Variants in KAT2B observed in about 807,000 individuals in gnomAD.
The protein encoded by KAT2B is lysine acetyltransferase 2B.
KAT2B carries 36 observed loss-of-function variants against 105.9 expected under a neutral mutation model. The ratio of observed to expected loss-of-function variants is 0.34; its 90% CI spans 0.26 to 0.45. The LOEUF is 0.45. Among genes scored for constraint, KAT2B ranks in the 20% least tolerant of loss-of-function variants. The probability of loss-of-function intolerance (pLI) is 1.00; values close to 1 mark genes in which losing one functional copy is unlikely to be tolerated. For synonymous variants in KAT2B, 397 were observed against 377.9 expected (o/e 1.05, Z -0.59); for missense variants, 820 against 1,021.6 (o/e 0.80, Z 2.69).
chr3:20,041,757 C>A (rs1390856537), intron 1 of KAT2B, among the ~76,000 whole-genome samples: 1 of 152,212 alleles, frequency 6.6e-6, no homozygotes, highest in Non-Finnish European at 1.5e-5. Context: ...CACACTCACA[C>A]CTCCCTGTAT....
chr3:20,125,889 G>A lies in KAT2B; in HGVS notation c.1414-16G>A, dbSNP rs749339385. 3 of 1,610,536 alleles carry A rather than the reference G, an allele frequency of 1.9e-6. No homozygotes were observed. Among genetic ancestry groups the A allele is most frequent in the Non-Finnish European group, 1.7e-6 (2 of 1,178,250 alleles). ...GAATAGCTCTGTGTAATTTTTTCCT[G>A]TCTCTTGCATCTCAGACCAATTTTC... On this transcript the variant is annotated splice_polypyrimidine_tract_variant and intron_variant, in intron 9 of 17. Transcript: ENST00000263754.
intron 13 of KAT2B, among the ~76,000 whole-genome samples, chr3:20,140,791 C>A (rs1699683418): frequency 6.6e-6 from 1 of 152,102 alleles, no homozygotes; most frequent in Non-Finnish European, 1.5e-5. Flanking sequence ...CGCTCCTGGC[C>A]ATAGATTTCT....
chr3:20,047,507 A>G (rs1056754297), intron 1 of KAT2B, among the ~76,000 whole-genome samples: 1 of 151,898 alleles, frequency 6.6e-6, no homozygotes, highest in Non-Finnish European at 1.5e-5. Context: ...CACTGTAACT[A>G]TGCTGCTTTT....
rs1029479084 is a variant in KAT2B at position 20,117,170 on chromosome 3, G to A, written c.1150+2182G>A. ...TCCAGCCACATTGTTATCTGTCATAGTACAGGATGGAGAAGGAAGAGGTTG... is the reference window on the plus strand; with the variant it reads ...TCCAGCCACATTGTTATCTGTCATAATACAGGATGGAGAAGGAAGAGGTTG... On this transcript the variant is annotated intron_variant, in intron 7 of 17. Transcript: ENST00000263754. Among the ~76,000 whole-genome samples, 4 of 152,168 alleles carry A rather than the reference G, an allele frequency of 2.6e-5. No homozygotes were observed. In the East Asian group the frequency reaches 7.7e-4, roughly 29 times the overall value.
chr3:20,054,940 G>T (rs1015992381), intron 1 of KAT2B, among the ~76,000 whole-genome samples: 1 of 152,182 alleles, frequency 6.6e-6, no homozygotes, highest in African/African-American at 2.4e-5. Flanking sequence ...GCCACAAGGA[G>T]CCCTTTTCTT....
intron 1 of KAT2B, among the ~76,000 whole-genome samples, chr3:20,068,215 C>T (rs180969845): frequency 4.9e-4 from 74 of 151,768 alleles, no homozygotes; most frequent in African/African-American, 1.5e-3. Context: ...AGGTTGGTCT[C>T]GAACTCCTGA....
chr3:20,071,732 C>G (rs1201055801), intron 1 of KAT2B, among the ~76,000 whole-genome samples: 2 of 152,110 alleles, frequency 1.3e-5, no homozygotes, highest in Admixed American at 1.3e-4. Flanking sequence ...GGGAAATGTA[C>G]GTGTAAGTAG....
intron 1 of KAT2B, among the ~76,000 whole-genome samples, chr3:20,060,698 G>A (rs1054349551): frequency 6.6e-6 from 1 of 152,104 alleles, no homozygotes; most frequent in African/African-American, 2.4e-5. Context: ...GCTGAGGTGG[G>A]AAGATCCCTT....
intron 1 of KAT2B, among the ~76,000 whole-genome samples, chr3:20,064,886 C>A (rs578211750): frequency 6.6e-6 from 1 of 152,278 alleles, no homozygotes; most frequent in South Asian, 2.1e-4. Flanking sequence ...TTAAGCATGA[C>A]AGAATTTTGC....
At chr3:20,046,122 A>G (rs1250536906) in intron 1 of KAT2B, among the ~76,000 whole-genome samples, 2 of 152,204 alleles carry the variant, frequency 1.3e-5, no homozygotes, top group African/African-American at 4.8e-5. Context: ...GAACATAAAG[A>G]TGCTAGGTTA....
chr3:20,070,254 C>G (rs1179316726), intron 1 of KAT2B, among the ~76,000 whole-genome samples: 1 of 151,940 alleles, frequency 6.6e-6, no homozygotes, highest in African/African-American at 2.4e-5. Flanking sequence ...GATTTTTCTT[C>G]TACCATGACC....
chr3:20,111,856 C>G, intron 6 of KAT2B, 69 bp downstream of exon 6: 1 of 1,205,988 alleles, frequency 8.3e-7, no homozygotes, highest in Non-Finnish European at 1.2e-6. Flanking sequence ...AATGCCAAAG[C>G]CTGCATAAAT....
chr3:20,137,562 G>A (rs2125189343), intron 12 of KAT2B: 1 of 154,730 alleles, frequency 6.5e-6, no homozygotes, highest in African/African-American at 2.4e-5. Context: ...TTGAGACAGG[G>A]TCTCACTTTG....
intron 11 of KAT2B, among the ~76,000 whole-genome samples, chr3:20,134,141 G>T (rs1013499778): frequency 6.6e-6 from 1 of 152,040 alleles, no homozygotes; most frequent in African/African-American, 2.4e-5. Flanking sequence ...TTTACTTCAT[G>T]CTTTTGCATT....
At chr3:20,081,871 A>C (rs1698524872) in intron 2 of KAT2B, among the ~76,000 whole-genome samples, 2 of 144,370 alleles carry the variant, frequency 1.4e-5, no homozygotes, top group Non-Finnish European at 1.5e-5. Context: ...ATTTGCTGTC[A>C]TTGGCTCATA....
intron 1 of KAT2B, among the ~76,000 whole-genome samples, chr3:20,060,416 A>T (rs191507818): frequency 6.6e-5 from 10 of 152,318 alleles, no homozygotes; most frequent in Non-Finnish European, 2.9e-5. Context: ...AACCTGACCA[A>T]CAGGGAGAAA....
chr3:20,064,664 C>G (rs1425184242), intron 1 of KAT2B, among the ~76,000 whole-genome samples: 1 of 152,198 alleles, frequency 6.6e-6, no homozygotes, highest in Non-Finnish European at 1.5e-5. Flanking sequence ...AGTCTCTTAT[C>G]ACCTAGAGCC....
At chr3:20,110,985 C>A (rs1211635377) in intron 5 of KAT2B, among the ~76,000 whole-genome samples, 1 of 152,138 alleles carries the variant, frequency 6.6e-6, no homozygotes, top group African/African-American at 2.4e-5. Context: ...TTTAAACAGT[C>A]CTGAAGATCA....
At chr3:20,129,589 T>C (rs1045108854) in intron 11 of KAT2B, among the ~76,000 whole-genome samples, 3 of 152,054 alleles carry the variant, frequency 2.0e-5, no homozygotes, top group African/African-American at 7.2e-5. Context: ...TTGGCCAGGC[T>C]GGTCCTGAAC....
Sources: gnomAD v4.1 joint callset for allele counts (sites outside exome capture counted in the v4.1 genomes callset) on GRCh38, gnomAD v4.1.1 for gene constraint, MANE v1.5 for transcripts, NCBI Gene and HGNC (gene_info 2026-07-23, HGNC 2026-07-21) for gene names.